Variants in OPRK1 observed in about 807,000 individuals in gnomAD.
OPRK1 encodes the protein opioid receptor kappa 1.
OPRK1 carries 15 observed loss-of-function variants against 24.5 expected under a neutral mutation model. The observed-to-expected ratio is 0.61, with a 90% confidence interval of 0.41 to 0.94. OPRK1 has a LOEUF of 0.94. OPRK1 is among the 40% of genes least tolerant of loss of function. The pLI, the probability that OPRK1 is intolerant of heterozygous loss-of-function variation, is 0.00. For synonymous variants in OPRK1, 205 were observed against 198.0 expected (o/e 1.04, Z -0.30); for missense variants, 479 against 507.3 (o/e 0.94, Z 0.54).
At chr8:53,245,680 A>G (rs10504151) in intron 2 of OPRK1, among the ~76,000 whole-genome samples, 15,143 of 152,190 alleles carry the variant, frequency 0.1, 821 homozygotes, top group South Asian at 0.18. Context: ...ATGGCCACAC[A>G]AATGGATGAA....
At chr8:53,245,419 T>G (rs1807206328) in intron 2 of OPRK1, among the ~76,000 whole-genome samples, 1 of 152,160 alleles carries the variant, frequency 6.6e-6, no homozygotes, top group African/African-American at 2.4e-5. Flanking sequence ...GACACCTTGA[T>G]CTCAGGCTTC....
chr8:53,230,978 A>C (rs1806838551), intron 3 of OPRK1, among the ~76,000 whole-genome samples: 1 of 152,228 alleles, frequency 6.6e-6, no homozygotes, highest in Non-Finnish European at 1.5e-5. Flanking sequence ...ATCTTAATAG[A>C]ATATCCAATC....
At position 53,251,629 on chromosome 8, in the gene OPRK1, C is replaced by G. The variant is rs989512795; in HGVS notation, c.-230G>C. 3.3e-5 allele frequency: 5 copies of G among 150,750 alleles called. No individual in the cohort carries two copies. The highest frequency in any genetic ancestry group is 7.3e-5 in the African/African-American group (3 of 40,904). 9.3% of individuals were successfully genotyped at this position (150,750 alleles called of 1,614,324 possible). A position where few individuals can be genotyped will look rare whatever the true frequency, so the allele number is the denominator to read the frequency against. The stretch of plus-strand genomic sequence containing the variant: ...AGCCCCCGCCTCTCAGCGCACGTCT[C>G]CCACTACTGGCGGCGGCTCTGCGGG... On this transcript the variant is annotated 5_prime_UTR_variant, in exon 1 of 4. Transcript: ENST00000265572.
intron 2 of OPRK1, among the ~76,000 whole-genome samples, chr8:53,247,812 A>G (rs1486354951): frequency 6.6e-6 from 1 of 151,906 alleles, no homozygotes; most frequent in Admixed American, 6.6e-5. Flanking sequence ...CCTGCACAAC[A>G]TGGTGCAACT....
intron 2 of OPRK1, among the ~76,000 whole-genome samples, chr8:53,243,139 C>T (rs754704156): frequency 9.2e-5 from 14 of 152,314 alleles, no homozygotes; most frequent in Non-Finnish European, 2.1e-4. Flanking sequence ...ATTACTTGCA[C>T]CACTGAAACC....
chr8:53,232,421 A>T (rs1348254937), intron 3 of OPRK1, among the ~76,000 whole-genome samples: 2 of 152,220 alleles, frequency 1.3e-5, no homozygotes, highest in Admixed American at 1.3e-4. Flanking sequence ...ACAAATGAGA[A>T]ATACTTGAGG....
chr8:53,240,561 AG>A (rs1346298756), intron 2 of OPRK1, among the ~76,000 whole-genome samples: 1 of 152,130 alleles, frequency 6.6e-6, no homozygotes, highest in Non-Finnish European at 1.5e-5. Context: ...AAATGATGGA[AG>A]ATGAGCATGG....
chr8:53,235,635 CT>C (rs1806972532), intron 2 of OPRK1, among the ~76,000 whole-genome samples: 1 of 152,114 alleles, frequency 6.6e-6, no homozygotes, highest in Non-Finnish European at 1.5e-5. Context: ...ATTAGGTTTG[CT>C]GATTTTTGTT....
chr8:53,251,280 C>G (rs1807393163), intron 1 of OPRK1, 168 bp downstream of exon 1: 1 of 576,406 alleles, frequency 1.7e-6, no homozygotes, highest in Non-Finnish European at 2.9e-6. Context: ...GGGCGAAGAG[C>G]GCTCGCTCCT....
chr8:53,248,306 C>G (rs973471125), intron 2 of OPRK1, among the ~76,000 whole-genome samples: 1 of 152,058 alleles, frequency 6.6e-6, no homozygotes, highest in African/African-American at 2.4e-5. Flanking sequence ...CTCCCCAGGT[C>G]TGAGCTGAAC....
At chr8:53,239,497 G>A (rs928222079) in intron 2 of OPRK1, among the ~76,000 whole-genome samples, 1 of 152,186 alleles carries the variant, frequency 6.6e-6, no homozygotes, top group African/African-American at 2.4e-5. Flanking sequence ...TTCCTGCTGA[G>A]GAGTCACAGG....
In OPRK1 at chr8:53,229,641, G is replaced by A. The variant is rs762806781; in HGVS notation, c.799C>T (p.Arg267Cys). Residue 267 changes from arginine to cysteine, a missense_variant, in exon 4 of 4, where the codon CGC (arginine) becomes TGC (cysteine). Arg to Cys is a radical substitution (Grantham distance 180). Coordinates refer to ENST00000265572, the MANE Select transcript of OPRK1 (RefSeq NM_000912.5). ...RLLSGSREKD[R>C]NLRRITRLVL... The stretch of plus-strand genomic sequence containing the variant: ...AGTCTGGTGATCCTACGCAGGTTGC[G>A]ATCTTTCTCTCGGGAGCCAGAAAGG... The A allele has an allele frequency of 6.8e-6, 11 of 1,614,138 alleles. No individual in the cohort carries two copies. The highest frequency in any genetic ancestry group is 9.3e-6 in the Non-Finnish European group (11 of 1,180,014).
intron 3 of OPRK1, among the ~76,000 whole-genome samples, chr8:53,232,525 T>C (rs1585628971): frequency 6.6e-6 from 1 of 152,242 alleles, no homozygotes; most frequent in Non-Finnish European, 1.5e-5. Context: ...ACATCTATTA[T>C]GAATTCATAA....
chr8:53,232,764 GCTAAA>G (rs1266373130), intron 3 of OPRK1, among the ~76,000 whole-genome samples: 2 of 152,130 alleles, frequency 1.3e-5, no homozygotes, highest in African/African-American at 2.4e-5. Context: ...AGTTCTAATA[GCTAAA>G]CTAAAGCTTT....
At chr8:53,242,663 C>T (rs979692898) in intron 2 of OPRK1, 17 of 316,644 alleles carry the variant, frequency 5.4e-5, no homozygotes, top group African/African-American at 3.2e-4. Context: ...CCCGCCACTA[C>T]GCCCGGCTAA....
chr8:53,236,626 C>T (rs1323542881), intron 2 of OPRK1, among the ~76,000 whole-genome samples: 1 of 152,202 alleles, frequency 6.6e-6, no homozygotes, highest in Non-Finnish European at 1.5e-5. Context: ...GCCAAGTTCT[C>T]ATAGCACAGG....
chr8:53,250,078 C>CAG (rs1807334086), intron 2 of OPRK1, among the ~76,000 whole-genome samples: 1 of 149,080 alleles, frequency 6.7e-6, no homozygotes, highest in African/African-American at 2.6e-5. Context: ...TCCACACACA[C>CAG]ACACACACAC....
chr8:53,240,237 C>G (rs934635259), intron 2 of OPRK1, among the ~76,000 whole-genome samples: 1 of 152,016 alleles, frequency 6.6e-6, no homozygotes, highest in African/African-American at 2.4e-5. Flanking sequence ...AAACTACAAA[C>G]TAGTGAGACA....
chr8:53,237,973 AC>A (rs1174448704), intron 2 of OPRK1, among the ~76,000 whole-genome samples: 1 of 152,160 alleles, frequency 6.6e-6, no homozygotes, highest in African/African-American at 2.4e-5. Flanking sequence ...AACCTACAAC[AC>A]TAGAAGGGGA....
Sources: allele counts gnomAD v4.1 joint callset (sites outside exome capture counted in the v4.1 genomes callset), GRCh38; gene constraint gnomAD v4.1.1; transcripts MANE v1.5; gene names NCBI Gene and HGNC (gene_info 2026-07-23, HGNC 2026-07-21).